Variants in ANAPC4 observed in about 807,000 individuals in gnomAD.
ANAPC4 encodes anaphase-promoting complex subunit 4.
A neutral mutation model predicts 119.8 loss-of-function variants in ANAPC4; 63 were observed. That is an observed-to-expected ratio of 0.53 (90% confidence interval 0.43 to 0.65). ANAPC4 has a LOEUF of 0.65. Ranked by LOEUF, ANAPC4 falls within the 30% of genes least tolerant of loss-of-function variation. The pLI is 0.00. For missense variants in ANAPC4, 716 were observed against 945.1 expected (o/e 0.76, Z 3.18); for synonymous variants, 283 against 318.6 (o/e 0.89, Z 1.19).
intron 28 of ANAPC4, 160 bp downstream of exon 28, chr4:25,417,899 T>C: frequency 9.5e-7 from 1 of 1,055,498 alleles, no homozygotes; most frequent in Non-Finnish European, 1.3e-6. Context: ...TGGCCTTAGC[T>C]ATTTAGTTCT....
intron 11 of ANAPC4, 41 bp from the exon 12 acceptor site, chr4:25,394,269 A>G (rs772018570): frequency 5.4e-6 from 8 of 1,490,754 alleles, no homozygotes; most frequent in Non-Finnish European, 6.4e-6. Context: ...TTATAATTTA[A>G]GAAATACATA....
At position 25,388,749 on chromosome 4, in the gene ANAPC4, A is replaced by G. The variant is rs1321100000; in HGVS notation, c.470+6A>G. 6.2e-7 allele frequency: 1 copy of G among 1,609,106 alleles called. No individual in the cohort carries two copies. The highest frequency in any genetic ancestry group is 8.5e-7 in the Non-Finnish European group (1 of 1,177,352). On this transcript the variant is annotated splice_donor_region_variant and intron_variant, in intron 6 of 28. Transcript: ENST00000315368. ...AACACCTCAAAAATATTTAGGTAAGATACGCCTTTTCTTGTTTTCAAGTAA... is the reference window on the plus strand; with the variant it reads ...AACACCTCAAAAATATTTAGGTAAGGTACGCCTTTTCTTGTTTTCAAGTAA...
intron 2 of ANAPC4, among the ~76,000 whole-genome samples, chr4:25,378,260 C>A (rs536901281): frequency 1.3e-5 from 2 of 152,314 alleles, no homozygotes; most frequent in Admixed American, 1.3e-4. Flanking sequence ...TGTAAGGAAA[C>A]CTTCACCTGT....
At chr4:25,400,488 G>A (rs938847048) in intron 16 of ANAPC4, among the ~76,000 whole-genome samples, 5 of 152,068 alleles carry the variant, frequency 3.3e-5, no homozygotes, top group African/African-American at 2.4e-5. Flanking sequence ...ATGGGGAGGC[G>A]GTGTTGGAGG....
At chr4:25,391,047 TA>T (rs772790971) in intron 9 of ANAPC4, 32 bp downstream of exon 9, 2 of 1,456,968 alleles carry the variant, frequency 1.4e-6, no homozygotes, top group Admixed American at 1.7e-5. Context: ...CGGTAGAGAG[TA>T]AATATGTATT....
chr4:25,402,253 A>C (rs1723019160), intron 16 of ANAPC4, among the ~76,000 whole-genome samples: 1 of 152,204 alleles, frequency 6.6e-6, no homozygotes, highest in South Asian at 2.1e-4. Flanking sequence ...TATGAAACTT[A>C]ATGCTTGGAA....
rs770194654 is a variant in ANAPC4, at chr4:25,390,214, C to A, written c.594C>A (p.Val198=). 2 of 1,608,594 alleles carry A rather than the reference C, an allele frequency of 1.2e-6. No homozygotes were observed. Residue 198 remains valine, a synonymous_variant, in exon 8 of 29, where the codon GTC becomes GTA. Transcript: ENST00000315368. ...ATGGAATGTTTAAAATTGCTCGAGT[C>A]ACAGGGGTAAGATTTCTTTAACATT... ...YAYGMFKIAR[V]TGIAGTCLAL...
chr4:25,392,530 T>C, intron 10 of ANAPC4, 109 bp downstream of exon 10: 1 of 765,224 alleles, frequency 1.3e-6, no homozygotes. Context: ...AGTAGAGGTA[T>C]CTAGTCTGAT....
At chr4:25,415,260 A>T (rs1433603738) in intron 25 of ANAPC4, 2 of 427,818 alleles carry the variant, frequency 4.7e-6, no homozygotes, top group African/African-American at 4.1e-5. Flanking sequence ...AAAAGAAATA[A>T]TTGGGTTATT....
intron 18 of ANAPC4, among the ~76,000 whole-genome samples, chr4:25,406,070 CG>C (rs1261347221): frequency 6.6e-6 from 1 of 152,132 alleles, no homozygotes; most frequent in Non-Finnish European, 1.5e-5. Context: ...GGAAGTCTTA[CG>C]GAATAGGGCA....
At chr4:25,406,746 T>G (rs1437377479) in intron 18 of ANAPC4, 83 bp from the exon 19 acceptor site, 1 of 1,050,596 alleles carries the variant, frequency 9.5e-7, no homozygotes, top group African/African-American at 1.6e-5. Context: ...AGTAAAAATG[T>G]CACATTTATA....
At chr4:25,416,217 C>G (rs1296003053) in intron 26 of ANAPC4, 1 of 362,600 alleles carries the variant, frequency 2.8e-6, no homozygotes, top group Non-Finnish European at 4.9e-6. Flanking sequence ...CATGATTACC[C>G]ATTTTTAAGA....
chr4:25,405,267 G>A lies in ANAPC4; in HGVS notation c.1271-306G>A, dbSNP rs1723191363. Among the ~76,000 whole-genome samples the A allele has an allele frequency of 6.6e-6, 1 of 152,046 alleles. No individual in the cohort carries two copies. The highest frequency in any genetic ancestry group is 6.6e-5 in the Admixed American group (1 of 15,228). The stretch of plus-strand genomic sequence containing the variant: ...GAAACATCACCAGGTTAAAAGGAGG[G>A]ATCCTTACACACGTAGTCTTAGCAC... On this transcript the variant is annotated intron_variant, in intron 17 of 28. Coordinates refer to ENST00000315368, the MANE Select transcript of ANAPC4 (RefSeq NM_013367.3). The surrounding 1 kb of genome is among the most constrained non-coding windows in gnomAD (Gnocchi z 4.6).
intron 2 of ANAPC4, among the ~76,000 whole-genome samples, chr4:25,378,929 G>C (rs550963582): frequency 1.3e-5 from 2 of 152,162 alleles, no homozygotes; most frequent in Admixed American, 6.5e-5. Flanking sequence ...TTGAAGTTAC[G>C]TGCAAGAGGA....
chr4:25,392,116 A>G (rs967308811), intron 9 of ANAPC4, among the ~76,000 whole-genome samples: 1 of 152,170 alleles, frequency 6.6e-6, no homozygotes, highest in African/African-American at 2.4e-5. Flanking sequence ...CATTTATTCT[A>G]TCTACACAGG....
intron 26 of ANAPC4, chr4:25,415,813 T>C: frequency 6.5e-6 from 2 of 306,656 alleles, no homozygotes; most frequent in Non-Finnish European, 1.2e-5. Flanking sequence ...GTGGTTCCCA[T>C]GGGCAGATGG....
chr4:25,412,589 A>G (rs7658636), intron 21 of ANAPC4, among the ~76,000 whole-genome samples: 111,606 of 151,710 alleles, frequency 0.74, 41,416 homozygotes, highest in Non-Finnish European at 0.79. Context: ...GTGAAACCCT[A>G]TCTCTACTAA....
In ANAPC4 at chr4:25,416,495, G is replaced by A; in HGVS notation, c.1972G>A (p.Gly658Arg). The change falls in exon 27 of 29, where the codon GGA (glycine) becomes AGA (arginine). Residue 658 changes from glycine to arginine, a missense_variant. Coordinates refer to ENST00000315368, the MANE Select transcript of ANAPC4 (RefSeq NM_013367.3). ...AACAGTAGTTCTTAAAGACACTGTAGGACGTGAAGGAAGAGATAGACTCTT... is the reference window on the plus strand; with the variant it reads ...AACAGTAGTTCTTAAAGACACTGTAAGACGTGAAGGAAGAGATAGACTCTT... ...TVTVVLKDTVGREGRDRLLVQ... is the reference protein window; with the variant it reads ...TVTVVLKDTVRREGRDRLLVQ... 1 of 1,607,516 alleles carries A rather than the reference G, an allele frequency of 6.2e-7. No individual in the cohort carries two copies. The highest frequency in any genetic ancestry group is 8.5e-7 in the Non-Finnish European group (1 of 1,175,386).
At position 25,377,401 on chromosome 4, in the gene ANAPC4, CTG is replaced by C. The variant is rs774607747; in HGVS notation, c.-10-16_-10-15del. On this transcript the variant is annotated splice_polypyrimidine_tract_variant and intron_variant, in intron 1 of 28. Coordinates refer to ENST00000315368, the MANE Select transcript of ANAPC4 (RefSeq NM_013367.3). ...GCCGGGGGCTCCTGCCGGCCTCTGA[CTG>C]GGGTGTCGTTGCAGGGCCGTCCCCA... 1 of 1,612,208 alleles carries C rather than the reference CTG, an allele frequency of 6.2e-7. No individual in the cohort carries two copies. The highest frequency in any genetic ancestry group is 1.1e-5 in the South Asian group (1 of 90,952).
Sources: gnomAD v4.1 joint callset for allele counts (sites outside exome capture counted in the v4.1 genomes callset) on GRCh38, gnomAD v4.1.1 for gene constraint, Gnocchi (gnomAD v3.1) non-coding constraint, MANE v1.5 for transcripts, NCBI Gene and HGNC (gene_info 2026-07-23, HGNC 2026-07-21) for gene names.